KLF12: variants seen among roughly 807,000 people sequenced by gnomAD.
The protein encoded by KLF12 is KLF transcription factor 12.
In KLF12, 9 loss-of-function variants were observed where a neutral mutation model predicts 37.8. That is an observed-to-expected ratio of 0.24 (90% CI 0.14 to 0.42). KLF12 has a LOEUF of 0.42. KLF12 is among the 10% of genes least tolerant of loss of function. The pLI is 1.00. For missense variants in KLF12, 411 were observed against 516.0 expected (o/e 0.80, Z 1.97); for synonymous variants, 208 against 202.1 (o/e 1.03, Z -0.25).
At chr13:74,074,323 C>G (rs1874442196) in intron 1 of KLF12, among the ~76,000 whole-genome samples, 1 of 152,196 alleles carries the variant, frequency 6.6e-6, no homozygotes, top group African/African-American at 2.4e-5. Context: ...TACAGGAAGA[C>G]AGCATGTGTC....
intron 4 of KLF12, among the ~76,000 whole-genome samples, chr13:73,825,202 G>A (rs1262627474): frequency 6.6e-6 from 1 of 152,190 alleles, no homozygotes; most frequent in Non-Finnish European, 1.5e-5. Flanking sequence ...GAAGGCTGGT[G>A]AGGTTTCCAC....
intron 1 of KLF12, among the ~76,000 whole-genome samples, chr13:74,009,030 A>C (rs1892482540): frequency 6.6e-6 from 1 of 152,230 alleles, no homozygotes; most frequent in Non-Finnish European, 1.5e-5. Context: ...CTGTGAATGC[A>C]ACAGTAGCTG....
chr13:73,781,159 C>G (rs569108359), intron 5 of KLF12, among the ~76,000 whole-genome samples: 1 of 152,312 alleles, frequency 6.6e-6, no homozygotes, highest in African/African-American at 2.4e-5. Flanking sequence ...TCGCTGAAAC[C>G]TCAGATGATC....
At chr13:74,019,804 C>T (rs555119242) in intron 1 of KLF12, among the ~76,000 whole-genome samples, 2 of 152,350 alleles carry the variant, frequency 1.3e-5, no homozygotes, top group Admixed American at 1.3e-4. Context: ...TCAGGAACCT[C>T]TGTAACAGTA....
the KLF12 span, among the ~76,000 whole-genome samples, chr13:74,269,828 G>T: frequency 1.3e-5 from 2 of 152,106 alleles, no homozygotes; most frequent in African/African-American, 4.8e-5. Context: ...ATAATGAGCC[G>T]CTCATGCCAG....
At chr13:74,124,221 T>C (rs1032576277) in intron 1 of KLF12, among the ~76,000 whole-genome samples, 6 of 152,232 alleles carry the variant, frequency 3.9e-5, no homozygotes, top group African/African-American at 7.2e-5. Flanking sequence ...TTGCTAAAGT[T>C]ACTTGTATTC....
At chr13:74,016,851 C>A (rs1272151022) in intron 1 of KLF12, among the ~76,000 whole-genome samples, 1 of 152,186 alleles carries the variant, frequency 6.6e-6, no homozygotes, top group South Asian at 2.1e-4. Context: ...AGATTCCCAA[C>A]TGCTGTAAAC....
At chr13:74,271,010 G>T in the KLF12 span, among the ~76,000 whole-genome samples, 1 of 152,130 alleles carries the variant, frequency 6.6e-6, no homozygotes, top group South Asian at 2.1e-4. Flanking sequence ...GGAGGTGAGC[G>T]GTGGGTGAGT....
At chr13:73,942,060 C>G (rs1191131914) in intron 3 of KLF12, among the ~76,000 whole-genome samples, 4 of 152,148 alleles carry the variant, frequency 2.6e-5, no homozygotes, top group Admixed American at 6.5e-5. Context: ...CACTGCAAAA[C>G]TGCTGGGAAT....
intron 7 of KLF12, among the ~76,000 whole-genome samples, chr13:73,707,158 T>C (rs1216655381): frequency 6.6e-6 from 1 of 152,146 alleles, no homozygotes; most frequent in Non-Finnish European, 1.5e-5. Flanking sequence ...AGGAAAAGCA[T>C]AGGCTCGAGA....
chr13:74,121,999 G>C (rs1367922682), intron 1 of KLF12, among the ~76,000 whole-genome samples: 1 of 151,982 alleles, frequency 6.6e-6, no homozygotes, highest in Non-Finnish European at 1.5e-5. Flanking sequence ...ACAAAAATGG[G>C]GGGGAAAATT....
chr13:73,948,430 C>G (rs77107102), intron 2 of KLF12, among the ~76,000 whole-genome samples: 8,492 of 152,114 alleles, frequency 0.056, 299 homozygotes, highest in African/African-American at 0.1. Context: ...TGTTGGCTAG[C>G]CTGTTCTCGA....
intron 1 of KLF12, among the ~76,000 whole-genome samples, chr13:74,059,775 T>A (rs1455786480): frequency 6.6e-6 from 1 of 152,250 alleles, no homozygotes; most frequent in Non-Finnish European, 1.5e-5. Context: ...AGAGGCTTTT[T>A]AACTTAAGTT....
intron 1 of KLF12, among the ~76,000 whole-genome samples, chr13:74,082,046 G>A (rs1031744657): frequency 1.3e-4 from 20 of 151,580 alleles, no homozygotes; most frequent in African/African-American, 4.1e-4. Context: ...AAATATTTTC[G>A]GCCAGGCAAG....
intron 3 of KLF12, among the ~76,000 whole-genome samples, chr13:73,893,520 T>C (rs938621746): frequency 6.6e-6 from 1 of 151,954 alleles, no homozygotes; most frequent in African/African-American, 2.4e-5. Flanking sequence ...TAGCTAGGAC[T>C]ATAGGAGCGC....
intron 3 of KLF12, among the ~76,000 whole-genome samples, chr13:73,936,515 C>T (rs947959853): frequency 6.6e-6 from 1 of 152,178 alleles, no homozygotes; most frequent in South Asian, 2.1e-4. Flanking sequence ...TAAGTACTCA[C>T]CAAACCCTTT....
At chr13:73,843,444 A>T (rs1167630184) in intron 4 of KLF12, among the ~76,000 whole-genome samples, 1 of 151,914 alleles carries the variant, frequency 6.6e-6, no homozygotes, top group African/African-American at 2.4e-5. Context: ...AGTAGCTGGG[A>T]TTACAGGCGT....
At chr13:73,731,469 T>G (rs1163253754) in intron 6 of KLF12, among the ~76,000 whole-genome samples, 1 of 143,538 alleles carries the variant, frequency 7.0e-6, no homozygotes, top group Non-Finnish European at 1.5e-5. Flanking sequence ...TTAATGGTAA[T>G]GGAATTTCAT....
At chr13:74,053,416 C>G (rs1343456326) in intron 1 of KLF12, among the ~76,000 whole-genome samples, 1 of 152,040 alleles carries the variant, frequency 6.6e-6, no homozygotes, top group Admixed American at 6.6e-5. Context: ...GATCATGTGT[C>G]AGGCACTGTC....
Sources: gnomAD v4.1 joint callset for allele counts (sites outside exome capture counted in the v4.1 genomes callset) on GRCh38, gnomAD v4.1.1 for gene constraint, MANE v1.5 for transcripts, NCBI Gene and HGNC (gene_info 2026-07-23, HGNC 2026-07-21) for gene names.